TEP1: variants seen among roughly 807,000 people sequenced by gnomAD.
TEP1 encodes telomerase protein component 1.
In TEP1, 241 loss-of-function variants were observed where a neutral mutation model predicts 306.3. The observed-to-expected ratio is 0.79, with a 90% CI of 0.71 to 0.88. The LOEUF is 0.88. Among genes scored for constraint, TEP1 ranks in the 40% least tolerant of loss-of-function variants. The pLI is 0.00. For synonymous variants in TEP1, 1,289 were observed against 1,305.5 expected (o/e 0.99, Z 0.27); for missense variants, 3,051 against 3,276.1 (o/e 0.93, Z 1.68).
At chr14:20,410,600 T>TTTC (rs1433913113) in intron 1 of TEP1, among the ~76,000 whole-genome samples, 1 of 84,350 alleles carries the variant, frequency 1.2e-5, no homozygotes, top group East Asian at 5.3e-4. Flanking sequence ...TTTTTTTTTC[T>TTTC]TTTTTTTTTT....
chr14:20,369,624 T>C (rs1884701754), intron 52 of TEP1, 48 bp from the exon 53 acceptor site: 1 of 1,612,528 alleles, frequency 6.2e-7, no homozygotes, highest in South Asian at 1.1e-5. Context: ...GGATCTGCCA[T>C]CCACCCTGGG....
Position 20,381,492 on chromosome 14 carries a change from G to A in TEP1, c.4558+61C>T, listed in dbSNP as rs1876524094. The A allele has an allele frequency of 6.2e-7, 1 of 1,612,482 alleles. No homozygotes were observed. The highest frequency in any genetic ancestry group is 1.3e-5 in the African/African-American group (1 of 74,930). ...CCAGCAGATGGGAGCACAGTGGGTGGTCCTGGCCTCCAGGCCCAAGCCCCA... is the reference window on the plus strand; with the variant it reads ...CCAGCAGATGGGAGCACAGTGGGTGATCCTGGCCTCCAGGCCCAAGCCCCA... On this transcript the variant is annotated intron_variant, in intron 31 of 54. Transcript: ENST00000262715. This position sits in a 1 kb window ranked among gnomAD's most constrained non-coding sequence, Gnocchi z 4.0.
At chr14:20,411,135 A>T (rs1374816594) in intron 1 of TEP1, among the ~76,000 whole-genome samples, 2 of 151,974 alleles carry the variant, frequency 1.3e-5, no homozygotes, top group Admixed American at 6.6e-5. Flanking sequence ...GTTTCTCTTT[A>T]CTGAAATACA....
At chr14:20,384,287 A>G in intron 23 of TEP1, 55 bp from the exon 24 acceptor site, 1 of 1,608,566 alleles carries the variant, frequency 6.2e-7, no homozygotes, top group South Asian at 1.1e-5. Flanking sequence ...CAGCACTCCC[A>G]GGCTAAAACT....
chr14:20,401,427 G>A (rs1469050059), intron 8 of TEP1, 30 bp downstream of exon 8: 2 of 1,611,692 alleles, frequency 1.2e-6, no homozygotes, highest in Admixed American at 1.7e-5. Flanking sequence ...TTACTTAGAT[G>A]GAATGCATGC....
In TEP1 at chr14:20,381,125, A is replaced by G; in HGVS notation, c.4648-80T>C. On this transcript the variant is annotated intron_variant, in intron 32 of 54. Transcript: ENST00000262715. This position sits in a 1 kb window ranked among gnomAD's most constrained non-coding sequence, Gnocchi z 4.0. The stretch of plus-strand genomic sequence containing the variant: ...CAGTTTAGTCTCAGAACCTGGATAC[A>G]GAGATAGGATCTGAGCTGGGACAAA... The G allele has an allele frequency of 7.8e-7, 1 of 1,286,862 alleles. No individual in the cohort carries two copies. Among genetic ancestry groups the G allele is most frequent in the East Asian group, 2.3e-5 (1 of 43,374 alleles). 79.7% of individuals were successfully genotyped at this position (1,286,862 alleles called of 1,614,324 possible). A position where few individuals can be genotyped will look rare whatever the true frequency, so the allele number is the denominator to read the frequency against.
chr14:20,409,726 T>G (rs1879474844), intron 1 of TEP1, among the ~76,000 whole-genome samples: 2 of 151,862 alleles, frequency 1.3e-5, no homozygotes, highest in South Asian at 4.2e-4. Context: ...TTTATAAAAT[T>G]AAGAAAAATG....
At chr14:20,405,311 G>A (rs528930158) in intron 4 of TEP1, 140 bp downstream of exon 4, 67 of 1,159,698 alleles carry the variant, frequency 5.8e-5, no homozygotes, top group East Asian at 1.9e-4. Flanking sequence ...GGACTAGGCC[G>A]CAGACTCACC....
intron 18 of TEP1, 52 bp downstream of exon 18, chr14:20,387,853 G>A (rs1877332066): frequency 6.5e-7 from 1 of 1,544,208 alleles, no homozygotes; most frequent in East Asian, 2.4e-5. Context: ...GGTTTCCCAA[G>A]GTTTGACTGC....
At position 20,367,114 on chromosome 14, in the gene TEP1, A is replaced by T. The variant is rs772546728; in HGVS notation, c.*1323T>A. 1 of 152,262 alleles carries T rather than the reference A, an allele frequency of 6.6e-6. No homozygotes were observed. Among genetic ancestry groups the T allele is most frequent in the African/African-American group, 2.4e-5 (1 of 41,474 alleles). The allele number at this position is 152,262 out of a possible 1,614,324, so 9.4% of individuals were successfully genotyped here. A position where few individuals can be genotyped will look rare whatever the true frequency, so the allele number is the denominator to read the frequency against. ...CACAATGGCTCACGCCTGTAATCCC[A>T]GAACTTTAAGAGGCTGAGGTGTGCA... is the stretch of plus-strand genomic sequence containing the variant. On this transcript the variant is annotated 3_prime_UTR_variant, in exon 55 of 55. Transcript: ENST00000262715.
At chr14:20,411,637 CA>C (rs899078508) in intron 1 of TEP1, among the ~76,000 whole-genome samples, 20 of 151,834 alleles carry the variant, frequency 1.3e-4, no homozygotes, top group African/African-American at 4.8e-4. Context: ...CAGCGGGATT[CA>C]GAGGCTTTTG....
chr14:20,379,083 C>A lies in TEP1; in HGVS notation c.5150G>T (p.Gly1717Val). ...CAAACAAGCAGAGATTCCATCACAG[C>A]CACTCACCACAGACTTCTCCTCCTG... Reference protein sequence around the residue: ...TWQEEKSVVSGCDGISACLFL... With the variant: ...TWQEEKSVVSVCDGISACLFL... The change falls in exon 36 of 55, where the codon GGC (glycine) becomes GTC (valine). Residue 1717 changes from glycine to valine, a missense_variant. Physicochemically the swap from Gly to Val is moderately radical, Grantham distance 109. Coordinates refer to ENST00000262715, the MANE Select transcript of TEP1 (RefSeq NM_007110.5). 6.2e-7 allele frequency: 1 copy of A among 1,614,160 alleles called. No individual in the cohort carries two copies. Among genetic ancestry groups the A allele is most frequent in the South Asian group, 1.1e-5 (1 of 91,084 alleles).
chr14:20,391,991 G>A (rs529705136), intron 12 of TEP1, among the ~76,000 whole-genome samples: 1 of 152,274 alleles, frequency 6.6e-6, no homozygotes, highest in East Asian at 1.9e-4. Context: ...TGGTAGGAGA[G>A]GGGAAGTCAC....
In TEP1 at chr14:20,391,641, A is replaced by G. The variant is rs2297613; in HGVS notation, c.2055T>C (p.Asp685=). The G allele has an allele frequency of 6.2e-7, 1 of 1,614,036 alleles. No individual in the cohort carries two copies. The highest frequency in any genetic ancestry group is 8.5e-7 in the Non-Finnish European group (1 of 1,180,026). Residue 685 remains aspartate (D), a synonymous_variant, in exon 13 of 55, where the codon GAT becomes GAC. Transcript: ENST00000262715. ...PGRTVLVYLT[D]ANADRLCPKS... ...TTGGACAGAGCCTGTCTGCATTAGC[A>G]TCTGTCAGATAGACCAAGACAGTGC...
In TEP1 at chr14:20,408,372, G is replaced by T; in HGVS notation, c.68C>A (p.Ala23Asp). The change falls in exon 2 of 55, where the codon GCT becomes GAT. Residue 23 changes from alanine to aspartate, a missense_variant. Ala to Asp is a moderately radical substitution (Grantham distance 126). This residue lies in a region of TEP1 where 1,507 missense variants were observed against 1,550.5 expected (regional missense o/e 0.97). Transcript: ENST00000262715. ...CAAGGGCTGTAAGTCAGGGAGCATA[G>T]CCAGGCACCGGTTCTCCAAGGAGAG... ...DILSLENRCL[A>D]MLPDLQPLEK... 1.2e-6 allele frequency: 2 copies of T among 1,614,120 alleles called. No individual in the cohort carries two copies. Among genetic ancestry groups the T allele is most frequent in the Non-Finnish European group, 1.7e-6 (2 of 1,180,016 alleles).
In TEP1 at chr14:20,405,543, C is replaced by T; in HGVS notation, c.778G>A (p.Val260Ile). The change falls in exon 4 of 55, where the codon GTA (valine) becomes ATA (isoleucine). Residue 260 changes from valine to isoleucine, a missense_variant. Val to Ile is a conservative substitution (Grantham distance 29). Coordinates refer to ENST00000262715, the MANE Select transcript of TEP1 (RefSeq NM_007110.5). ...SLLCSTLVSE[V>I]NMNNTSDPTL... ...GGGTCAGATGTATTGTTCATGTTTACTTCTGAGACCAGAGTAGAGCACAGC... is the reference window on the plus strand; with the variant it reads ...GGGTCAGATGTATTGTTCATGTTTATTTCTGAGACCAGAGTAGAGCACAGC... The T allele has an allele frequency of 6.2e-7, 1 of 1,614,168 alleles. No individual in the cohort carries two copies. The highest frequency in any genetic ancestry group is 8.5e-7 in the Non-Finnish European group (1 of 1,180,046).
At chr14:20,392,874 A>T (rs1362159861) in intron 12 of TEP1, among the ~76,000 whole-genome samples, 3 of 152,214 alleles carry the variant, frequency 2.0e-5, no homozygotes, top group East Asian at 1.9e-4. Context: ...ATTATTTGAC[A>T]TTTGTTTTAA....
chr14:20,382,208 C>T lies in TEP1; in HGVS notation c.4273+16G>A, dbSNP rs1876628681. 6.2e-7 allele frequency: 1 copy of T among 1,613,996 alleles called. No individual in the cohort carries two copies. Among genetic ancestry groups the T allele is most frequent in the African/African-American group, 1.3e-5 (1 of 74,912 alleles). ...CTGGCCCTCAGCCTCCCAACCAACC[C>T]ACCCCAAGCACTGACCACTCCGTGT... is the stretch of plus-strand genomic sequence containing the variant. On this transcript the variant is annotated intron_variant, in intron 29 of 54. Coordinates refer to ENST00000262715, the MANE Select transcript of TEP1 (RefSeq NM_007110.5).
At position 20,377,502 on chromosome 14, in the gene TEP1, G is replaced by A. The variant is rs1415410252; in HGVS notation, c.5876-10C>T. 4 of 1,613,292 alleles carry A rather than the reference G, an allele frequency of 2.5e-6. No individual in the cohort carries two copies. Among genetic ancestry groups the A allele is most frequent in the Non-Finnish European group, 1.7e-6 (2 of 1,179,498 alleles). On this transcript the variant is annotated splice_polypyrimidine_tract_variant and intron_variant, in intron 40 of 54. Transcript: ENST00000262715. ...TGAGCCCCCTGGGAACCTAGAGAATGAGAGAGAACAAGGGAGTAAGACACT... is the reference window on the plus strand; with the variant it reads ...TGAGCCCCCTGGGAACCTAGAGAATAAGAGAGAACAAGGGAGTAAGACACT...
Sources: gnomAD v4.1 joint callset for allele counts (sites outside exome capture counted in the v4.1 genomes callset) on GRCh38, gnomAD v4.1.1 for gene constraint, gnomAD v4.1.1 regional missense constraint, Gnocchi (gnomAD v3.1) non-coding constraint, MANE v1.5 for transcripts, NCBI Gene and HGNC (gene_info 2026-07-23, HGNC 2026-07-21) for gene names.